PPM1H: variants seen among roughly 807,000 people sequenced by gnomAD.
PPM1H encodes protein phosphatase, Mg2+/Mn2+ dependent 1H.
PPM1H carries 27 observed loss-of-function variants against 54.9 expected under a neutral mutation model. The ratio of observed to expected loss-of-function variants is 0.49; its 90% CI spans 0.36 to 0.68. PPM1H has a LOEUF of 0.68. PPM1H is among the 30% of genes least tolerant of loss of function. PPM1H has a pLI of 0.00. For missense variants in PPM1H, 596 were observed against 667.8 expected (o/e 0.89, Z 1.19); for synonymous variants, 305 against 270.8 (o/e 1.13, Z -1.24).
chr12:62,890,495 C>A (rs1211966483), intron 1 of PPM1H, among the ~76,000 whole-genome samples: 2 of 151,942 alleles, frequency 1.3e-5, no homozygotes, highest in East Asian at 3.9e-4. Flanking sequence ...TAAATCTGTT[C>A]TAAAAAATAA....
chr12:62,760,073 C>A (rs1250049242), intron 4 of PPM1H, among the ~76,000 whole-genome samples: 2 of 152,178 alleles, frequency 1.3e-5, no homozygotes, highest in Non-Finnish European at 2.9e-5. Context: ...TCTAGCCTGA[C>A]CTAAAATCTA....
intron 1 of PPM1H, among the ~76,000 whole-genome samples, chr12:62,920,409 C>T (rs1871756712): frequency 6.6e-6 from 1 of 151,682 alleles, no homozygotes; most frequent in African/African-American, 2.4e-5. Flanking sequence ...TCACTGCAGC[C>T]TTGACCTGCC....
rs773543368 is a variant in PPM1H at position 62,689,780 on chromosome 12, C to G, written c.1164G>C (p.Val388=). ...GGTCATGGTCCCCAAGTCCCCTGGTCACTCCAATAGTTGCCATTACCCGGG... is the reference window on the plus strand; with the variant it reads ...GGTCATGGTCCCCAAGTCCCCTGGTGACTCCAATAGTTGCCATTACCCGGG... ...KKARVMATIG[V]TRGLGDHDLK... is the part of the protein sequence containing the mutation. The change falls in exon 8 of 10, where the codon GTG becomes GTC. Residue 388 remains valine, a synonymous_variant. Transcript: ENST00000228705. 1 of 1,613,446 alleles carries G rather than the reference C, an allele frequency of 6.2e-7. No individual in the cohort carries two copies. The highest frequency in any genetic ancestry group is 1.7e-5 in the Admixed American group (1 of 59,958).
intron 2 of PPM1H, among the ~76,000 whole-genome samples, chr12:62,805,107 T>G (rs990143129): frequency 2.0e-5 from 3 of 152,164 alleles, no homozygotes; most frequent in African/African-American, 7.2e-5. Flanking sequence ...AACAAGTATA[T>G]GAAAACATGC....
At position 62,874,508 on chromosome 12, in the gene PPM1H, T is replaced by G. The variant is rs557071176; in HGVS notation, c.246-42229A>C. Reference sequence around the variant, plus strand: ...TGGCAGCCAGCTACCATTTTTTTTTTTAATGGTTAGCTGTCTCCATATTAC... The same window carrying G: ...TGGCAGCCAGCTACCATTTTTTTTTGTAATGGTTAGCTGTCTCCATATTAC... On this transcript the variant is annotated intron_variant, in intron 1 of 9. Transcript: ENST00000228705. Among the ~76,000 whole-genome samples, 319 of 152,146 alleles carry G rather than the reference T, an allele frequency of 2.1e-3. 8 individuals carry two copies. In the South Asian group the frequency reaches 0.059, roughly 28 times the overall value.
At chr12:62,871,476 C>T (rs1424781604) in intron 1 of PPM1H, among the ~76,000 whole-genome samples, 1 of 148,536 alleles carries the variant, frequency 6.7e-6, no homozygotes, top group Non-Finnish European at 1.5e-5. Flanking sequence ...GTTAGACAAC[C>T]TTGTGAATAT....
At chr12:62,766,596 C>A (rs1008723728) in intron 4 of PPM1H, among the ~76,000 whole-genome samples, 6 of 152,120 alleles carry the variant, frequency 3.9e-5, no homozygotes, top group African/African-American at 1.4e-4. Flanking sequence ...TCTCAGTCCC[C>A]AGGCTTTTCC....
At chr12:62,660,081 GAC>G (rs2075874900) in intron 9 of PPM1H, among the ~76,000 whole-genome samples, 1 of 152,170 alleles carries the variant, frequency 6.6e-6, no homozygotes, top group Non-Finnish European at 1.5e-5. Flanking sequence ...CAGAAATTAT[GAC>G]TTGGCAACTT....
At chr12:62,858,059 C>T (rs1233174941) in intron 1 of PPM1H, among the ~76,000 whole-genome samples, 7 of 151,316 alleles carry the variant, frequency 4.6e-5, no homozygotes, top group African/African-American at 1.7e-4. Context: ...CCAAATGGAC[C>T]ATTACCACCA....
intron 2 of PPM1H, among the ~76,000 whole-genome samples, chr12:62,814,331 C>T (rs566020208): frequency 7.9e-5 from 12 of 152,180 alleles, no homozygotes; most frequent in Non-Finnish European, 1.3e-4. Context: ...TATCCTCCCA[C>T]GTTGGCCGCC....
intron 4 of PPM1H, among the ~76,000 whole-genome samples, chr12:62,758,338 C>T (rs113980574): frequency 2.0e-5 from 3 of 152,332 alleles, no homozygotes; most frequent in African/African-American, 4.8e-5. Flanking sequence ...CAGATGCAAA[C>T]TATCTCAGCA....
At chr12:62,865,824 CT>C (rs1200351730) in intron 1 of PPM1H, among the ~76,000 whole-genome samples, 1 of 152,162 alleles carries the variant, frequency 6.6e-6, no homozygotes, top group Non-Finnish European at 1.5e-5. Flanking sequence ...ACAGGTTTCT[CT>C]TTCTAGGTAA....
chr12:62,689,202 G>A (rs1037442316), intron 8 of PPM1H, among the ~76,000 whole-genome samples: 1 of 152,202 alleles, frequency 6.6e-6, no homozygotes, highest in Admixed American at 6.5e-5. Flanking sequence ...GGGAGAAAGG[G>A]CATTCTTGGC....
At chr12:62,886,200 A>G (rs1870582769) in intron 1 of PPM1H, among the ~76,000 whole-genome samples, 1 of 152,168 alleles carries the variant, frequency 6.6e-6, no homozygotes, top group South Asian at 2.1e-4. Flanking sequence ...GGTTTCTGAC[A>G]CTCTACGCCA....
intron 1 of PPM1H, among the ~76,000 whole-genome samples, chr12:62,926,663 T>G (rs1250390342): frequency 6.6e-6 from 1 of 151,932 alleles, no homozygotes; most frequent in African/African-American, 2.4e-5. Context: ...CGTAAAAAGA[T>G]CTCTAAATGG....
rs1055386969 is a variant in PPM1H, at chr12:62,838,813, C to G, written c.246-6534G>C. 1.6e-5 allele frequency among the ~76,000 whole-genome samples: 2 copies of G among 122,436 alleles called. 1 individual carries two copies. Among genetic ancestry groups the G allele is most frequent in the Non-Finnish European group, 3.3e-5 (2 of 60,744 alleles). 80.3% of individuals were successfully genotyped at this position (122,436 alleles called of 152,430 possible). On this transcript the variant is annotated intron_variant, in intron 1 of 9. Coordinates refer to ENST00000228705, the MANE Select transcript of PPM1H (RefSeq NM_020700.2). ...GCGGGCGCCTGTAGTCCCAGCTACTCGGGAGGCTGAGGCAGGAGAATGGCG... is the reference window on the plus strand; with the variant it reads ...GCGGGCGCCTGTAGTCCCAGCTACTGGGGAGGCTGAGGCAGGAGAATGGCG...
chr12:62,705,388 C>G (rs934454656), intron 6 of PPM1H, among the ~76,000 whole-genome samples: 2 of 152,282 alleles, frequency 1.3e-5, no homozygotes, highest in African/African-American at 4.8e-5. Context: ...TTACTGAGCA[C>G]CTAGTAGGTG....
At chr12:62,831,804 C>T (rs116793411) in intron 2 of PPM1H, among the ~76,000 whole-genome samples, 13,754 of 147,440 alleles carry the variant, frequency 0.093, 678 homozygotes, top group Middle Eastern at 0.17. Flanking sequence ...CACACACACA[C>T]ATATATATGT....
intron 1 of PPM1H, among the ~76,000 whole-genome samples, chr12:62,848,587 G>A (rs1869061021): frequency 6.6e-6 from 1 of 152,160 alleles, no homozygotes; most frequent in East Asian, 1.9e-4. Context: ...GTAGATCTAA[G>A]GTAGGATCTG....
Sources: allele counts gnomAD v4.1 joint callset (sites outside exome capture counted in the v4.1 genomes callset), GRCh38; gene constraint gnomAD v4.1.1; transcripts MANE v1.5; gene names NCBI Gene and HGNC (gene_info 2026-07-23, HGNC 2026-07-21).